DCC: variants seen among roughly 807,000 people sequenced by gnomAD.
DCC encodes the protein DCC netrin 1 receptor.
A neutral mutation model predicts 172.5 loss-of-function variants in DCC; 58 were observed. The observed-to-expected ratio is 0.34, with a 90% CI of 0.27 to 0.42. The LOEUF is 0.42. DCC is among the 10% of genes least tolerant of loss of function. DCC has a pLI of 1.00. For missense variants in DCC, 1,740 were observed against 1,791.0 expected (o/e 0.97, Z 0.51); for synonymous variants, 709 against 644.5 (o/e 1.10, Z -1.52).
intron 1 of DCC, among the ~76,000 whole-genome samples, chr18:52,577,119 A>T (rs892595707): frequency 3.9e-5 from 6 of 152,240 alleles, no homozygotes; most frequent in African/African-American, 1.4e-4. Context: ...CTTCAGTTAT[A>T]CTTAGGAGAC....
At chr18:52,809,603 C>T (rs1163066569) in intron 2 of DCC, among the ~76,000 whole-genome samples, 4 of 152,158 alleles carry the variant, frequency 2.6e-5, no homozygotes, top group African/African-American at 9.7e-5. Flanking sequence ...GCAGCGAACA[C>T]ACTGCTGGAT....
intron 2 of DCC, among the ~76,000 whole-genome samples, chr18:52,836,473 T>C (rs983189277): frequency 6.6e-6 from 1 of 152,184 alleles, no homozygotes; most frequent in Non-Finnish European, 1.5e-5. Flanking sequence ...GGTACAGGCA[T>C]TGGGTAAATA....
chr18:53,252,442 GTT>G (rs1218438498), intron 12 of DCC, among the ~76,000 whole-genome samples: 1 of 151,854 alleles, frequency 6.6e-6, no homozygotes, highest in African/African-American at 2.4e-5. Flanking sequence ...GTCAAATTGG[GTT>G]TCATAAAAAT....
intron 2 of DCC, among the ~76,000 whole-genome samples, chr18:52,834,081 G>C (rs1467060943): frequency 6.6e-6 from 1 of 152,172 alleles, no homozygotes; most frequent in African/African-American, 2.4e-5. Context: ...GCTTAGCACT[G>C]TGTGGAGGAG....
At chr18:52,532,592 A>G (rs1234590456) in intron 1 of DCC, among the ~76,000 whole-genome samples, 1 of 152,170 alleles carries the variant, frequency 6.6e-6, no homozygotes, top group Non-Finnish European at 1.5e-5. Flanking sequence ...AACGTGCATC[A>G]CCATTGACTG....
intron 22 of DCC, among the ~76,000 whole-genome samples, chr18:53,435,615 A>G (rs970875337): frequency 2.0e-5 from 3 of 152,208 alleles, no homozygotes; most frequent in African/African-American, 7.2e-5. Flanking sequence ...ACCCAGTTTC[A>G]TATATTAAAG....
At chr18:53,082,188 G>A (rs2042816807) in intron 7 of DCC, among the ~76,000 whole-genome samples, 1 of 152,002 alleles carries the variant, frequency 6.6e-6, no homozygotes. Flanking sequence ...GGTTTTGTGG[G>A]TTTTTAACAT....
chr18:53,471,152 C>CA (rs1011424692), intron 25 of DCC, among the ~76,000 whole-genome samples: 52 of 152,068 alleles, frequency 3.4e-4, no homozygotes, highest in Admixed American at 3.1e-3. Context: ...TTTTGAAAAA[C>CA]AAAAAAACTA....
chr18:52,765,540 C>G (rs1261011812), intron 2 of DCC, among the ~76,000 whole-genome samples: 1 of 152,164 alleles, frequency 6.6e-6, no homozygotes, highest in Non-Finnish European at 1.5e-5. Flanking sequence ...TAACTGGCCC[C>G]CTAGACTAGG....
intron 2 of DCC, among the ~76,000 whole-genome samples, chr18:52,815,773 A>T (rs148158873): frequency 6.6e-6 from 1 of 152,222 alleles, no homozygotes; most frequent in Non-Finnish European, 1.5e-5. Context: ...TTAGATAACT[A>T]TGATATATCT....
intron 12 of DCC, among the ~76,000 whole-genome samples, chr18:53,269,647 ATTG>A (rs1406662298): frequency 3.9e-5 from 6 of 152,130 alleles, no homozygotes; most frequent in Admixed American, 2.6e-4. Context: ...TGTATATTGT[ATTG>A]TTGTTTCTCC....
At chr18:53,075,074 G>A (rs773591616) in intron 7 of DCC, among the ~76,000 whole-genome samples, 19 of 149,302 alleles carry the variant, frequency 1.3e-4, no homozygotes, top group Non-Finnish European at 1.2e-4. Flanking sequence ...TAAAATGATA[G>A]CTTTCTTCTA....
intron 1 of DCC, among the ~76,000 whole-genome samples, chr18:52,680,121 T>C (rs1366104181): frequency 6.6e-6 from 1 of 152,086 alleles, no homozygotes; most frequent in East Asian, 1.9e-4. Flanking sequence ...TGGGTGCCCA[T>C]TGGGTTCTTG....
intron 9 of DCC, among the ~76,000 whole-genome samples, chr18:53,199,809 A>G (rs7227160): frequency 0.045 from 6,776 of 152,186 alleles, 469 homozygotes; most frequent in African/African-American, 0.15. Context: ...CTGATATTTT[A>G]TATATGAAAT....
intron 1 of DCC, among the ~76,000 whole-genome samples, chr18:52,486,669 C>T (rs1145252): frequency 1.2e-3 from 181 of 152,108 alleles, no homozygotes; most frequent in Non-Finnish European, 2.1e-3. Flanking sequence ...TTTTACTCAT[C>T]GTAAAGATAG....
In DCC at chr18:53,351,405, A is replaced by ATATATACACAGTG. The variant is rs2057804135; in HGVS notation, c.2359+11504_2359+11505insCACAGTGTATATA. Among the ~76,000 whole-genome samples, 14 of 12,006 alleles carry ATATATACACAGTG rather than the reference A, an allele frequency of 1.2e-3. 1 individual carries two copies. The highest frequency in any genetic ancestry group is 1.7e-3 in the Non-Finnish European group (9 of 5,276). The allele number at this position is 12,006 out of a possible 152,430, so 7.9% of individuals were successfully genotyped here. On this transcript the variant is annotated intron_variant, in intron 15 of 28. Transcript: ENST00000442544. ...TACAGTATATATATATACAGTGTAT[A>ATATATACACAGTG]TATATATATATACACACTGTGTATA...
At chr18:53,047,903 ATGTGTGTGTGTGTGTG>A (rs35014270) in intron 5 of DCC, among the ~76,000 whole-genome samples, 4,686 of 146,852 alleles carry the variant, frequency 0.032, 211 homozygotes, top group African/African-American at 0.093. Context: ...TTCCTTCGAG[ATGTGTGTGTGTGTGTG>A]TGTGTGTGTG....
intron 5 of DCC, among the ~76,000 whole-genome samples, chr18:53,060,232 C>T (rs1264440137): frequency 6.6e-6 from 1 of 152,118 alleles, no homozygotes; most frequent in Admixed American, 6.6e-5. Flanking sequence ...TGGGGTTTCA[C>T]TATGTTGGCC....
At chr18:53,458,898 C>T (rs1012833646) in intron 23 of DCC, among the ~76,000 whole-genome samples, 3 of 152,172 alleles carry the variant, frequency 2.0e-5, no homozygotes, top group African/African-American at 7.2e-5. Context: ...CCATCAGGTA[C>T]CTTATGCCTG....
Sources: gnomAD v4.1 joint callset for allele counts (sites outside exome capture counted in the v4.1 genomes callset) on GRCh38, gnomAD v4.1.1 for gene constraint, MANE v1.5 for transcripts, NCBI Gene and HGNC (gene_info 2026-07-23, HGNC 2026-07-21) for gene names.